LSAMP: variants seen among roughly 807,000 people sequenced by gnomAD.
LSAMP encodes limbic system-associated membrane protein.
Under a neutral mutation model 38.6 loss-of-function variants are expected in LSAMP, and 7 were observed. That is an observed-to-expected ratio of 0.18 (90% CI 0.10 to 0.34). The LOEUF (loss-of-function observed/expected upper bound fraction) is 0.34. Among genes scored for constraint, LSAMP ranks in the 10% least tolerant of loss-of-function variants. LSAMP has a pLI of 1.00. For synonymous variants in LSAMP, 154 were observed against 166.8 expected (o/e 0.92, Z 0.59); for missense variants, 313 against 420.0 (o/e 0.75, Z 2.23).
intron 1 of LSAMP, among the ~76,000 whole-genome samples, chr3:116,290,955 T>TGAA (rs1453339635): frequency 6.6e-6 from 1 of 152,078 alleles, no homozygotes. Context: ...AAAATTTCAC[T>TGAA]GAAGATGCTT....
intron 6 of LSAMP, among the ~76,000 whole-genome samples, chr3:115,821,792 A>G (rs1934249055): frequency 6.6e-6 from 1 of 152,166 alleles, no homozygotes; most frequent in Non-Finnish European, 1.5e-5. Flanking sequence ...AATGTAATAA[A>G]AGAAACAGAG....
chr3:116,372,356 A>G (rs2048440337), intron 1 of LSAMP, among the ~76,000 whole-genome samples: 1 of 152,008 alleles, frequency 6.6e-6, no homozygotes, highest in Non-Finnish European at 1.5e-5. Flanking sequence ...GGAAAACTGG[A>G]TGTTGAAATT....
chr3:116,421,090 G>A (rs1405135600), intron 1 of LSAMP, among the ~76,000 whole-genome samples: 1 of 152,040 alleles, frequency 6.6e-6, no homozygotes, highest in Admixed American at 6.5e-5. Flanking sequence ...TAGAGAAGAA[G>A]GTAAGAATAA....
intron 1 of LSAMP, among the ~76,000 whole-genome samples, chr3:116,392,360 C>T (rs910664948): frequency 6.6e-6 from 1 of 152,226 alleles, no homozygotes; most frequent in Non-Finnish European, 1.5e-5. Context: ...CTTCTCCCCA[C>T]TGTTCACACT....
chr3:115,918,423 T>G (rs375650870), intron 3 of LSAMP, among the ~76,000 whole-genome samples: 1 of 152,210 alleles, frequency 6.6e-6, no homozygotes, highest in African/African-American at 2.4e-5. Context: ...GGCAACACTT[T>G]CTGAAATCAT....
intron 3 of LSAMP, among the ~76,000 whole-genome samples, chr3:115,870,061 A>T (rs1484169561): frequency 6.6e-6 from 1 of 152,106 alleles, no homozygotes; most frequent in Middle Eastern, 3.2e-3. Context: ...GACACATAAA[A>T]ATTATATAAA....
At chr3:116,402,641 C>T (rs983493092) in intron 1 of LSAMP, among the ~76,000 whole-genome samples, 8 of 151,988 alleles carry the variant, frequency 5.3e-5, no homozygotes, top group East Asian at 3.9e-4. Flanking sequence ...TACAGACATA[C>T]GTATACATCA....
chr3:116,193,298 G>A (rs1020243288), intron 1 of LSAMP, among the ~76,000 whole-genome samples: 2 of 152,148 alleles, frequency 1.3e-5, no homozygotes, highest in African/African-American at 4.8e-5. Context: ...TGGTGTTAGG[G>A]AAACTGGAGG....
chr3:115,823,442 G>C (rs1287424984), intron 6 of LSAMP, among the ~76,000 whole-genome samples: 1 of 152,200 alleles, frequency 6.6e-6, no homozygotes, highest in Non-Finnish European at 1.5e-5. Flanking sequence ...ACATTCTGTA[G>C]TACACTGGCA....
At chr3:116,274,187 T>A (rs971770410) in intron 1 of LSAMP, among the ~76,000 whole-genome samples, 1 of 152,174 alleles carries the variant, frequency 6.6e-6, no homozygotes, top group Non-Finnish European at 1.5e-5. Context: ...GCTTGGTTCA[T>A]GTGCTAGAAT....
intron 1 of LSAMP, among the ~76,000 whole-genome samples, chr3:116,126,761 TGAGGCAGGAGAATC>T (rs1709017363): frequency 6.6e-6 from 1 of 152,158 alleles, no homozygotes; most frequent in Non-Finnish European, 1.5e-5. Flanking sequence ...ACTCAGAGGC[TGAGGCAGGAGAATC>T]ACTTTAACCC....
chr3:116,259,320 A>G (rs1395119618), intron 1 of LSAMP, among the ~76,000 whole-genome samples: 1 of 152,150 alleles, frequency 6.6e-6, no homozygotes, highest in Non-Finnish European at 1.5e-5. Context: ...GGAGTTAAAA[A>G]CACTCATATA....
intron 1 of LSAMP, among the ~76,000 whole-genome samples, chr3:116,100,270 C>G (rs555196064): frequency 6.6e-6 from 1 of 151,780 alleles, no homozygotes; most frequent in African/African-American, 2.4e-5. Context: ...TTAGGAGACA[C>G]GGTTTCAACA....
intron 1 of LSAMP, among the ~76,000 whole-genome samples, chr3:116,304,163 C>A (rs926162167): frequency 1.3e-5 from 2 of 152,026 alleles, no homozygotes; most frequent in African/African-American, 4.8e-5. Context: ...TGTTGAGGAC[C>A]AATAAGTAAA....
In LSAMP at chr3:115,870,249, C is replaced by A. The variant is rs533944879; in HGVS notation, c.515-17632G>T. Among the ~76,000 whole-genome samples, 3 of 152,100 alleles carry A rather than the reference C, an allele frequency of 2.0e-5. No homozygotes were observed. The East Asian group carries it at 5.8e-4, about 29-fold the overall frequency. ...TGTTTTTCATGGAAAAGTTTGTTAA[C>A]CCATGGTGTAGAGGAACAAGCTCTA... is the stretch of plus-strand genomic sequence containing the variant. On this transcript the variant is annotated intron_variant, in intron 3 of 6. Coordinates refer to ENST00000490035, the MANE Select transcript of LSAMP (RefSeq NM_002338.5).
rs112979068 is a variant in LSAMP, at chr3:116,041,805, A to G, written c.389-22165T>C. 5.5e-5 allele frequency among the ~76,000 whole-genome samples: 8 copies of G among 144,852 alleles called. No homozygotes were observed. The South Asian group carries it at 1.7e-3, about 31-fold the overall frequency. ...AGTAAATGAAAGCATGCAAAAAAAA[A>G]CAAAACAAAACAAAAAAAAAACACC... On this transcript the variant is annotated intron_variant, in intron 2 of 6. Coordinates refer to ENST00000490035, the MANE Select transcript of LSAMP (RefSeq NM_002338.5).
intron 1 of LSAMP, among the ~76,000 whole-genome samples, chr3:116,133,874 G>A (rs1490285629): frequency 2.0e-5 from 3 of 152,026 alleles, no homozygotes. Flanking sequence ...CTTCCCAATT[G>A]GTGTATTCCC....
At position 116,164,056 on chromosome 3, in the gene LSAMP, CATT is replaced by C. The variant is rs1336218994; in HGVS notation, c.156-77503_156-77501del. ...TACTGACTTTCGTTTTGTATTTTAA[CATT>C]ATACCTACTAAATTATCAGCTTGAG... On this transcript the variant is annotated intron_variant, in intron 1 of 6. Transcript: ENST00000490035. Among the ~76,000 whole-genome samples the C allele has an allele frequency of 3.3e-5, 5 of 152,224 alleles. No homozygotes were observed. The East Asian group carries it at 7.7e-4, about 24-fold the overall frequency.
chr3:116,135,502 A>G lies in LSAMP; in HGVS notation c.156-48946T>C, dbSNP rs545466698. Among the ~76,000 whole-genome samples, 6 of 152,294 alleles carry G rather than the reference A, an allele frequency of 3.9e-5. No homozygotes were observed. In the South Asian group the frequency reaches 1.2e-3, roughly 32 times the overall value. On this transcript the variant is annotated intron_variant, in intron 1 of 6. Coordinates refer to ENST00000490035, the MANE Select transcript of LSAMP (RefSeq NM_002338.5). ...GGGATCGTATTTTCCTGACCCAGTG[A>G]AAGACAGTATTACTTGCCAAGTCAC...
Sources: gnomAD v4.1 joint callset for allele counts (sites outside exome capture counted in the v4.1 genomes callset) on GRCh38, gnomAD v4.1.1 for gene constraint, MANE v1.5 for transcripts, NCBI Gene and HGNC (gene_info 2026-07-23, HGNC 2026-07-21) for gene names.